KATNAL1: variants seen among roughly 807,000 people sequenced by gnomAD.
The protein encoded by KATNAL1 is katanin p60 ATPase-containing subunit A-like 1.
Under a neutral mutation model 55.2 loss-of-function variants are expected in KATNAL1, and 32 were observed. That is an observed-to-expected ratio of 0.58 (90% CI 0.44 to 0.78). The LOEUF (loss-of-function observed/expected upper bound fraction) is 0.78. Among genes scored for constraint, KATNAL1 ranks in the 30% least tolerant of loss-of-function variants. The pLI is 0.00. For missense variants in KATNAL1, 466 were observed against 600.9 expected (o/e 0.78, Z 2.35); for synonymous variants, 193 against 193.6 (o/e 1.00, Z 0.02).
At chr13:30,229,757 T>G (rs1411022538) in intron 8 of KATNAL1, among the ~76,000 whole-genome samples, 3 of 152,136 alleles carry the variant, frequency 2.0e-5, no homozygotes, top group Non-Finnish European at 4.4e-5. Flanking sequence ...AAGAGCTTTT[T>G]TGTGTGTGGA....
intron 9 of KATNAL1, among the ~76,000 whole-genome samples, chr13:30,214,003 A>G (rs1873955766): frequency 6.6e-6 from 1 of 152,202 alleles, no homozygotes; most frequent in African/African-American, 2.4e-5. Context: ...TGCAGATGAC[A>G]TGACTGTATA....
chr13:30,234,246 T>G (rs1395146873), intron 6 of KATNAL1, among the ~76,000 whole-genome samples: 1 of 152,126 alleles, frequency 6.6e-6, no homozygotes, highest in Admixed American at 6.5e-5. Flanking sequence ...ACAAAAAAAT[T>G]CCTTCACTTG....
At chr13:30,269,901 G>C (rs1248135790) in intron 3 of KATNAL1, among the ~76,000 whole-genome samples, 1 of 151,756 alleles carries the variant, frequency 6.6e-6, no homozygotes, top group Non-Finnish European at 1.5e-5. Flanking sequence ...CAGGAGGGGG[G>C]GGTCAGCCCC....
chr13:30,296,195 G>A (rs1882479439), intron 1 of KATNAL1: 1 of 719,516 alleles, frequency 1.4e-6, no homozygotes, highest in South Asian at 1.8e-5. Flanking sequence ...TAACTTCAAG[G>A]CCACATCCAT....
chr13:30,208,453 A>C lies in KATNAL1; in HGVS notation c.*87T>G. The stretch of plus-strand genomic sequence containing the variant: ...TAAGCGAAAACCACTCCACTGAAAA[A>C]AATTCCAAACTTGTTTTTTAAAAAT... On this transcript the variant is annotated 3_prime_UTR_variant, in exon 11 of 11. Transcript: ENST00000380615. 1.6e-6 allele frequency: 2 copies of C among 1,239,970 alleles called. No individual in the cohort carries two copies. The highest frequency in any genetic ancestry group is 3.5e-5 in the South Asian group (2 of 57,718). The allele number at this position is 1,239,970 out of a possible 1,614,324, so 76.8% of individuals were successfully genotyped here. A position where few individuals can be genotyped will look rare whatever the true frequency, so the allele number is the denominator to read the frequency against.
At chr13:30,292,188 G>C (rs780267983) in intron 1 of KATNAL1, among the ~76,000 whole-genome samples, 2 of 152,142 alleles carry the variant, frequency 1.3e-5, no homozygotes, top group Non-Finnish European at 2.9e-5. Flanking sequence ...ATTCAATGAG[G>C]GAAGGACAAT....
chr13:30,240,963 G>A lies in KATNAL1; in HGVS notation c.616C>T (p.His206Tyr), dbSNP rs765123533. 29 of 1,611,652 alleles carry A rather than the reference G, an allele frequency of 1.8e-5. No individual in the cohort carries two copies. The highest frequency in any genetic ancestry group is 2.4e-5 in the Non-Finnish European group (28 of 1,179,044). The stretch of plus-strand genomic sequence containing the variant: ...AATAATTTGAAAGACTCTAACCAAT[G>A]AATGCTAGGATTCCTGGATACAATG... ...RDIVSRNPSI[H>Y]WDDIADLEEA... The change falls in exon 5 of 11, where the codon CAT (histidine) becomes TAT (tyrosine). Residue 206 changes from histidine to tyrosine, a missense_variant. His to Tyr is a moderately conservative substitution (Grantham distance 83, BLOSUM62 2). Coordinates refer to ENST00000380615, the MANE Select transcript of KATNAL1 (RefSeq NM_032116.5).
At chr13:30,228,068 T>TA (rs1290904335) in intron 8 of KATNAL1, among the ~76,000 whole-genome samples, 1 of 152,118 alleles carries the variant, frequency 6.6e-6, no homozygotes, top group Non-Finnish European at 1.5e-5. Context: ...AAGTGACCTG[T>TA]AAAAAATAAA....
chr13:30,241,031 C>A lies in KATNAL1; in HGVS notation c.548G>T (p.Gly183Val). The change falls in exon 5 of 11, where the codon GGT becomes GTT. Residue 183 changes from glycine (G) to valine (V), a missense_variant. Physicochemically the swap from Gly to Val is moderately radical, Grantham distance 109 (BLOSUM62 -3). Transcript: ENST00000380615. ...ASDGEMPKFD[G>V]AGYDKDLVEA... ...CACCAGATCCTTATCATAACCAGCA[C>A]CATCAAATTTTGGCATTTCACCATC... The A allele has an allele frequency of 6.2e-7, 1 of 1,613,670 alleles. No individual in the cohort carries two copies. The highest frequency in any genetic ancestry group is 8.5e-7 in the Non-Finnish European group (1 of 1,179,790).
At position 30,205,810 on chromosome 13, in the gene KATNAL1, C is replaced by T. The variant is rs1339467109; in HGVS notation, c.*2730G>A. The T allele has an allele frequency of 6.7e-6, 1 of 148,762 alleles. No homozygotes were observed. Among genetic ancestry groups the T allele is most frequent in the South Asian group, 2.1e-4 (1 of 4,784 alleles). The allele number at this position is 148,762 out of a possible 1,614,324, so 9.2% of individuals were successfully genotyped here. The stretch of plus-strand genomic sequence containing the variant: ...TGTGTCTCACGCCTATAAGGCAACA[C>T]ACTGTCTTCTGCAATAAAGACTCTG... On this transcript the variant is annotated 3_prime_UTR_variant, in exon 11 of 11. Transcript: ENST00000380615.
At position 30,208,974 on chromosome 13, in the gene KATNAL1, G is replaced by A. The variant is rs531719122; in HGVS notation, c.1275-236C>T. 4.6e-5 allele frequency among the ~76,000 whole-genome samples: 7 copies of A among 152,294 alleles called. No individual in the cohort carries two copies. In the East Asian group the frequency reaches 5.8e-4, roughly 13 times the overall value. On this transcript the variant is annotated intron_variant, in intron 10 of 10. Transcript: ENST00000380615. ...AACCCTAAAAGTCTAAGTTAAGCTC[G>A]AATAGTACTGAATTTTCTTTTCTCC...
intron 3 of KATNAL1, among the ~76,000 whole-genome samples, chr13:30,265,142 A>G (rs1453249376): frequency 6.6e-6 from 1 of 150,586 alleles, no homozygotes; most frequent in Middle Eastern, 3.2e-3. Context: ...CAAACACCGC[A>G]TATTCTCACT....
intron 1 of KATNAL1, among the ~76,000 whole-genome samples, chr13:30,290,326 G>GAA (rs1364301968): frequency 1.4e-5 from 2 of 143,076 alleles, no homozygotes; most frequent in Non-Finnish European, 3.1e-5. Context: ...AGGAAAGAGA[G>GAA]AAAAAAAAAA....
rs1483440119 is a variant in KATNAL1, at chr13:30,248,768, T to C, written c.492+6679A>G. Among the ~76,000 whole-genome samples, 12 of 150,730 alleles carry C rather than the reference T, an allele frequency of 8.0e-5. No homozygotes were observed. In the East Asian group the frequency reaches 2.2e-3, roughly 27 times the overall value. ...GGTGAAACCCCATCTCTACTAATAA[T>C]ACAAAAATTGGCCAGGTGCGGGGGC... On this transcript the variant is annotated intron_variant, in intron 4 of 10. Coordinates refer to ENST00000380615, the MANE Select transcript of KATNAL1 (RefSeq NM_032116.5).
intron 1 of KATNAL1, among the ~76,000 whole-genome samples, chr13:30,287,738 A>G (rs1044826575): frequency 2.0e-5 from 3 of 152,208 alleles, no homozygotes; most frequent in Non-Finnish European, 4.4e-5. Context: ...TCTATAAATT[A>G]TTTCCCTTTA....
intron 3 of KATNAL1, among the ~76,000 whole-genome samples, chr13:30,271,995 G>GT (rs759096982): frequency 6.6e-5 from 10 of 151,576 alleles, no homozygotes; most frequent in Non-Finnish European, 1.5e-4. Flanking sequence ...GTTAAACAAT[G>GT]TAAGTCCAGA....
chr13:30,210,245 T>C lies in KATNAL1; in HGVS notation c.1274+71A>G, dbSNP rs959312846. The C allele has an allele frequency of 8.2e-6, 11 of 1,347,866 alleles. No individual in the cohort carries two copies. In the African/African-American group the frequency reaches 1.1e-4, roughly 13 times the overall value. 83.5% of individuals were successfully genotyped at this position (1,347,866 alleles called of 1,614,324 possible). A position where few individuals can be genotyped will look rare whatever the true frequency, so the allele number is the denominator to read the frequency against. On this transcript the variant is annotated intron_variant, in intron 10 of 10. Transcript: ENST00000380615. ...GTCTAACTACACTGGGCTAACTACA[T>C]TGACTTTAAGACCAGTCCTCCTGCG...
chr13:30,255,686 T>C (rs1878723949), intron 3 of KATNAL1, 71 bp from the exon 4 acceptor site: 4 of 1,238,112 alleles, frequency 3.2e-6, no homozygotes, highest in Non-Finnish European at 3.1e-6. Flanking sequence ...ATGTCAATAC[T>C]ATCTTAGTCA....
chr13:30,292,687 A>G (rs888711706), intron 1 of KATNAL1, among the ~76,000 whole-genome samples: 1 of 151,720 alleles, frequency 6.6e-6, no homozygotes, highest in African/African-American at 2.4e-5. Flanking sequence ...TTTTTTATGT[A>G]TCACATGTCT....
Sources: gnomAD v4.1 joint callset for allele counts (sites outside exome capture counted in the v4.1 genomes callset) on GRCh38, gnomAD v4.1.1 for gene constraint, MANE v1.5 for transcripts, NCBI Gene and HGNC (gene_info 2026-07-23, HGNC 2026-07-21) for gene names.